Variants in ALG9 observed in about 807,000 individuals in gnomAD.
ALG9 encodes ALG9 alpha-1,2-mannosyltransferase, also known as alpha-1,2-mannosyltransferase ALG9.
ALG9 carries 55 observed loss-of-function variants against 81.8 expected under a neutral mutation model. The ratio of observed to expected loss-of-function variants is 0.67; its 90% CI spans 0.54 to 0.84. The LOEUF is 0.84. ALG9 is among the 40% of genes least tolerant of loss of function. ALG9 has a pLI of 0.00. For missense variants in ALG9, 629 were observed against 745.0 expected (o/e 0.84, Z 1.81); for synonymous variants, 278 against 274.3 (o/e 1.01, Z -0.13).
At chr11:111,815,762 G>A (rs968325465) in intron 13 of ALG9, among the ~76,000 whole-genome samples, 1 of 152,190 alleles carries the variant, frequency 6.6e-6, no homozygotes, top group Admixed American at 6.5e-5. Context: ...AGGATTAAAT[G>A]AGATGATTCA....
At chr11:111,807,194 G>A (rs971677662) in intron 14 of ALG9, among the ~76,000 whole-genome samples, 3 of 152,102 alleles carry the variant, frequency 2.0e-5, no homozygotes, top group Non-Finnish European at 4.4e-5. Context: ...ACCCTACAGT[G>A]GCTCCCCATT....
chr11:111,809,155 C>G (rs1407047953), intron 14 of ALG9, among the ~76,000 whole-genome samples: 1 of 152,140 alleles, frequency 6.6e-6, no homozygotes, highest in African/African-American at 2.4e-5. Flanking sequence ...TTCACTTGGG[C>G]GAAACCAGAA....
chr11:111,800,307 T>C (rs541793452), intron 14 of ALG9, among the ~76,000 whole-genome samples: 16 of 151,722 alleles, frequency 1.1e-4, no homozygotes, highest in Admixed American at 6.6e-4. Context: ...GGTAAAACCC[T>C]GTCTCTACTA....
intron 13 of ALG9, among the ~76,000 whole-genome samples, chr11:111,819,404 G>A (rs1007007914): frequency 6.6e-6 from 1 of 152,210 alleles, no homozygotes; most frequent in African/African-American, 2.4e-5. Context: ...CCACACAGAA[G>A]ACAGATCTTA....
chr11:111,852,367 C>T (rs1957961208), intron 8 of ALG9, among the ~76,000 whole-genome samples: 1 of 152,140 alleles, frequency 6.6e-6, no homozygotes, highest in African/African-American at 2.4e-5. Flanking sequence ...ACGCAAATTC[C>T]TTCAGGGGCC....
At chr11:111,864,187 T>A in intron 4 of ALG9, 4 of 590,004 alleles carry the variant, frequency 6.8e-6, no homozygotes, top group South Asian at 4.0e-5. Flanking sequence ...AAGCAAGAAG[T>A]TTTCAGTCAG....
chr11:111,865,386 G>T, intron 3 of ALG9, 135 bp from the exon 4 acceptor site: 1 of 658,886 alleles, frequency 1.5e-6, no homozygotes, highest in African/African-American at 1.8e-5. Context: ...CATGGATCAA[G>T]AATTTTCATA....
intron 14 of ALG9, among the ~76,000 whole-genome samples, chr11:111,790,350 AAC>A (rs1947211064): frequency 1.3e-5 from 2 of 152,096 alleles, no homozygotes; most frequent in Non-Finnish European, 1.5e-5. Context: ...AACAAAATAA[AAC>A]ACAGACTAGG....
chr11:111,793,184 G>A (rs889356239), intron 14 of ALG9, among the ~76,000 whole-genome samples: 8 of 151,968 alleles, frequency 5.3e-5, no homozygotes, highest in Admixed American at 3.3e-4. Context: ...GTCATACTAT[G>A]TTGCCCAGAC....
At chr11:111,772,797 G>A in the ALG9 span, among the ~76,000 whole-genome samples, 1 of 152,144 alleles carries the variant, frequency 6.6e-6, no homozygotes, top group African/African-American at 2.4e-5. Flanking sequence ...AAGAATGAAA[G>A]AGGTACATGA....
In ALG9 at chr11:111,784,866, G is replaced by A. The variant is rs1294650391; in HGVS notation, c.*1531C>T. On this transcript the variant is annotated 3_prime_UTR_variant, in exon 15 of 15. Transcript: ENST00000616540. ...GGAATAGTACTGATATTTGGATCCTGTGTGGCTGCAAAAGAACATGACTTC... is the reference window on the plus strand; with the variant it reads ...GGAATAGTACTGATATTTGGATCCTATGTGGCTGCAAAAGAACATGACTTC... The A allele has an allele frequency of 1.3e-5, 2 of 152,212 alleles. No homozygotes were observed. Among genetic ancestry groups the A allele is most frequent in the Non-Finnish European group, 2.9e-5 (2 of 68,054 alleles). The allele number at this position is 152,212 out of a possible 1,614,324, so 9.4% of individuals were successfully genotyped here. A position where few individuals can be genotyped will look rare whatever the true frequency, so the allele number is the denominator to read the frequency against.
At chr11:111,831,736 T>G (rs1278235057) in intron 13 of ALG9, among the ~76,000 whole-genome samples, 1 of 152,184 alleles carries the variant, frequency 6.6e-6, no homozygotes, top group Non-Finnish European at 1.5e-5. Flanking sequence ...CAGACTACAT[T>G]TTAAGTTCCC....
intron 14 of ALG9, among the ~76,000 whole-genome samples, chr11:111,795,542 C>T (rs1948141605): frequency 6.6e-6 from 1 of 152,226 alleles, no homozygotes; most frequent in Non-Finnish European, 1.5e-5. Flanking sequence ...CAGCATTATC[C>T]ATGTGACCAG....
At chr11:111,780,795 A>C (rs1945890114), downstream of ALG9, among the ~76,000 whole-genome samples, 1 of 152,110 alleles carries the variant, frequency 6.6e-6, no homozygotes, top group African/African-American at 2.4e-5. Context: ...CTTCATTGTC[A>C]ATAAAAATAT....
intron 10 of ALG9, 84 bp downstream of exon 10, chr11:111,840,571 T>C: frequency 6.7e-7 from 1 of 1,499,808 alleles, no homozygotes; most frequent in Non-Finnish European, 9.3e-7. Context: ...GGTGGAAGCA[T>C]TCTGTAATTT....
downstream of ALG9, among the ~76,000 whole-genome samples, chr11:111,780,776 CT>C (rs1945888776): frequency 6.6e-6 from 1 of 152,228 alleles, no homozygotes; most frequent in South Asian, 2.1e-4. Flanking sequence ...TCTCTTTTTG[CT>C]TTTCTTTCTT....
downstream of ALG9, among the ~76,000 whole-genome samples, chr11:111,780,533 A>G (rs1555056568): frequency 6.6e-6 from 1 of 152,008 alleles, no homozygotes; most frequent in East Asian, 1.9e-4. Context: ...AGTAGCTGGG[A>G]TTACAGGCAC....
intron 13 of ALG9, chr11:111,814,478 C>CTAT (rs1461469612): frequency 6.6e-6 from 1 of 152,122 alleles, no homozygotes; most frequent in Admixed American, 6.5e-5. Flanking sequence ...GACACTTGCT[C>CTAT]TATTATTATT....
chr11:111,774,372 G>A, the ALG9 span, among the ~76,000 whole-genome samples: 127 of 152,190 alleles, frequency 8.3e-4, 1 homozygote, highest in Admixed American at 4.2e-3. Context: ...GTGAAACTCC[G>A]TCTCCAAAAA....
Sources: gnomAD v4.1 joint callset for allele counts (sites outside exome capture counted in the v4.1 genomes callset) on GRCh38, gnomAD v4.1.1 for gene constraint, MANE v1.5 for transcripts, NCBI Gene and HGNC (gene_info 2026-07-23, HGNC 2026-07-21) for gene names.